Variants in ATP10B observed in about 807,000 individuals in gnomAD.
ATP10B encodes ATPase phospholipid transporting 10B (putative), also known as phospholipid-transporting ATPase VB.
In ATP10B, 122 loss-of-function variants were observed where a neutral mutation model predicts 141.2. The ratio of observed to expected loss-of-function variants is 0.86; its 90% CI spans 0.75 to 1.00. The LOEUF is 1.00. Among genes scored for constraint, ATP10B ranks in the 50% least tolerant of loss-of-function variants. The pLI is 0.00. For synonymous variants in ATP10B, 685 were observed against 692.0 expected (o/e 0.99, Z 0.16); for missense variants, 1,876 against 1,825.3 (o/e 1.03, Z -0.51).
intron 25 of ATP10B, among the ~76,000 whole-genome samples, chr5:160,568,334 C>A (rs1474302483): frequency 6.6e-6 from 1 of 151,936 alleles, no homozygotes; most frequent in East Asian, 1.9e-4. Flanking sequence ...TAGAAGAGAA[C>A]CTAGGGGCAA....
chr5:160,869,721 A>G, the ATP10B span, among the ~76,000 whole-genome samples: 1 of 152,184 alleles, frequency 6.6e-6, no homozygotes, highest in Non-Finnish European at 1.5e-5. Context: ...TTGCTGGAAA[A>G]CAGACTCACA....
rs1554106065 is a variant in ATP10B at position 160,703,620 on chromosome 5, G to GCACCCGCCACCA, written c.-205+13288_-205+13289insTGGTGGCGGGTG. ...GCCTTCTGGGTAGCTGGGGCTACAG[G>GCACCCGCCACCA]CACCTGGGTAATTTTTGAATTTTTA... On this transcript the variant is annotated intron_variant, in intron 3 of 25. Transcript: ENST00000327245. 9.9e-3 allele frequency among the ~76,000 whole-genome samples: 1,503 copies of GCACCCGCCACCA among 152,110 alleles called. 25 individuals carry two copies. The highest frequency in any genetic ancestry group is 0.035 in the African/African-American group (1,438 of 41,474).
rs552609165 is a variant in ATP10B, at chr5:160,564,859, T to C, written c.*594A>G. 3 of 153,076 alleles carry C rather than the reference T, an allele frequency of 2.0e-5. No individual in the cohort carries two copies. Among genetic ancestry groups the C allele is most frequent in the Non-Finnish European group, 2.9e-5 (2 of 68,684 alleles). The allele number at this position is 153,076 out of a possible 1,614,324, so 9.5% of individuals were successfully genotyped here. On this transcript the variant is annotated 3_prime_UTR_variant, in exon 26 of 26. Transcript: ENST00000327245. The stretch of plus-strand genomic sequence containing the variant: ...GTGACACTGAGTTCAAATCCACTTT[T>C]CTTTCTGGCTTTTAGTAGTAGCTTT...
intron 1 of ATP10B, 62 bp downstream of exon 1, chr5:160,851,879 A>C (rs1372726116): frequency 6.6e-6 from 1 of 152,178 alleles, no homozygotes; most frequent in Non-Finnish European, 1.5e-5. Context: ...CTTAGACTTG[A>C]TGATTCTAAG....
intron 24 of ATP10B, among the ~76,000 whole-genome samples, chr5:160,580,038 G>T (rs1755445655): frequency 6.6e-6 from 1 of 152,164 alleles, no homozygotes; most frequent in Non-Finnish European, 1.5e-5. Flanking sequence ...TGCTGAAGTT[G>T]CTTATCAGCT....
At chr5:160,892,146 A>T in the ATP10B span, among the ~76,000 whole-genome samples, 1 of 152,156 alleles carries the variant, frequency 6.6e-6, no homozygotes, top group Non-Finnish European at 1.5e-5. Flanking sequence ...TCAGATGGTG[A>T]TTAAACCTTC....
intron 24 of ATP10B, among the ~76,000 whole-genome samples, chr5:160,574,691 C>T (rs1755080584): frequency 1.3e-5 from 2 of 152,094 alleles, no homozygotes; most frequent in South Asian, 4.1e-4. Context: ...ATTAGATGCC[C>T]TTATAAAAGA....
chr5:160,647,692 A>G (rs1344033098), intron 8 of ATP10B, among the ~76,000 whole-genome samples: 1 of 152,210 alleles, frequency 6.6e-6, no homozygotes, highest in African/African-American at 2.4e-5. Flanking sequence ...AATCAAGTTC[A>G]CAAACCTAAG....
intron 13 of ATP10B, 57 bp downstream of exon 13, chr5:160,632,072 A>T: frequency 6.7e-7 from 1 of 1,490,972 alleles, no homozygotes; most frequent in Non-Finnish European, 9.1e-7. Context: ...ATTCCAGAGC[A>T]CCCTCCCTCT....
chr5:160,715,165 T>G (rs1189091695), intron 3 of ATP10B, among the ~76,000 whole-genome samples: 1 of 149,394 alleles, frequency 6.7e-6, no homozygotes, highest in Non-Finnish European at 1.5e-5. Context: ...TCCCGGCTGC[T>G]TTGTTTACCT....
chr5:160,695,675 C>T (rs1764318256), intron 3 of ATP10B, among the ~76,000 whole-genome samples: 1 of 152,080 alleles, frequency 6.6e-6, no homozygotes, highest in Non-Finnish European at 1.5e-5. Flanking sequence ...AATTATTTTT[C>T]CTCCATACCC....
intron 2 of ATP10B, among the ~76,000 whole-genome samples, chr5:160,771,257 A>G (rs1166452529): frequency 6.6e-6 from 1 of 152,196 alleles, no homozygotes; most frequent in Admixed American, 6.5e-5. Context: ...GGGTGATAAA[A>G]TAGGCATAAA....
the ATP10B span, among the ~76,000 whole-genome samples, chr5:160,880,028 C>T: frequency 6.6e-6 from 1 of 151,326 alleles, no homozygotes; most frequent in African/African-American, 2.4e-5. Context: ...TGAAATTCTT[C>T]TGTATAAATC....
At chr5:160,657,022 G>C (rs567834754) in intron 7 of ATP10B, among the ~76,000 whole-genome samples, 1 of 152,164 alleles carries the variant, frequency 6.6e-6, no homozygotes, top group South Asian at 2.1e-4. Flanking sequence ...ACAACCTGGG[G>C]ATAAGGATAG....
intron 18 of ATP10B, among the ~76,000 whole-genome samples, chr5:160,611,312 A>T (rs1318426931): frequency 6.6e-6 from 1 of 152,182 alleles, no homozygotes; most frequent in African/African-American, 2.4e-5. Flanking sequence ...AGCCCACTCG[A>T]TCTCCCTCTG....
intron 1 of ATP10B, among the ~76,000 whole-genome samples, chr5:160,838,408 C>A (rs1003085347): frequency 6.6e-6 from 1 of 152,188 alleles, no homozygotes; most frequent in African/African-American, 2.4e-5. Context: ...CAGGCAGGGC[C>A]AACCACTTGC....
chr5:160,658,263 T>C (rs1311896692), intron 7 of ATP10B, among the ~76,000 whole-genome samples: 1 of 152,112 alleles, frequency 6.6e-6, no homozygotes, highest in African/African-American at 2.4e-5. Context: ...GCAAAGTCCA[T>C]GGGAGCACAG....
intron 7 of ATP10B, among the ~76,000 whole-genome samples, chr5:160,662,313 A>C (rs942256759): frequency 1.4e-4 from 22 of 152,318 alleles, no homozygotes; most frequent in Admixed American, 1.1e-3. Context: ...TTCATATGGA[A>C]CCAAAAAAGA....
intron 24 of ATP10B, among the ~76,000 whole-genome samples, chr5:160,587,440 T>A (rs1449234996): frequency 2.6e-5 from 4 of 152,222 alleles, no homozygotes; most frequent in African/African-American, 9.6e-5. Context: ...CATATGAAAT[T>A]TAAAGTAGAT....
Sources: allele counts gnomAD v4.1 joint callset (sites outside exome capture counted in the v4.1 genomes callset), GRCh38; gene constraint gnomAD v4.1.1; transcripts MANE v1.5; gene names NCBI Gene and HGNC (gene_info 2026-07-23, HGNC 2026-07-21).